The following F8 variants were observed in gnomAD, a reference collection of about 807,000 sequenced individuals.
F8 encodes the protein antihemophilic factor.
F8 carries 12 observed loss-of-function variants against 140.6 expected under a neutral mutation model. The ratio of observed to expected loss-of-function variants is 0.09; its 90% CI spans 0.05 to 0.14. The LOEUF (loss-of-function observed/expected upper bound fraction) is 0.14. F8 is among the 10% of genes least tolerant of loss of function. The probability of loss-of-function intolerance (pLI) is 1.00; values close to 1 mark genes in which losing one functional copy is unlikely to be tolerated. For synonymous variants in F8, 585 were observed against 614.6 expected (o/e 0.95, Z 0.71); for missense variants, 1,354 against 1,720.7 (o/e 0.79, Z 3.77).
intron 7 of F8, among the ~76,000 whole-genome samples, chrX:154,967,502 A>G (rs2073431996): frequency 1.8e-5 from 2 of 111,995 alleles, no homozygotes; most frequent in South Asian, 7.3e-4. Flanking sequence ...GGAACAGGGA[A>G]GGTTTTAGGA....
intron 13 of F8, among the ~76,000 whole-genome samples, chrX:154,936,438 G>T (rs1557279253): frequency 8.9e-6 from 1 of 111,902 alleles, no homozygotes; most frequent in East Asian, 2.8e-4. Context: ...GATAGTGCAG[G>T]TGTATAAATT....
At chrX:154,860,923 C>A (rs1235217553) in intron 24 of F8, among the ~76,000 whole-genome samples, 1 of 112,073 alleles carries the variant, frequency 8.9e-6, no homozygotes, top group African/African-American at 3.2e-5. Context: ...GTCTTGAACT[C>A]CTGACTTCAG....
intron 1 of F8, among the ~76,000 whole-genome samples, chrX:155,007,672 G>A (rs193067596): frequency 2.3e-3 from 257 of 112,548 alleles, no homozygotes; most frequent in Admixed American, 0.021. Flanking sequence ...ATAGGAGTGC[G>A]AATGCTACTG....
At chrX:154,843,179 T>G (rs1173710709) in intron 25 of F8, among the ~76,000 whole-genome samples, 2 of 112,217 alleles carry the variant, frequency 1.8e-5, no homozygotes, top group African/African-American at 6.5e-5. Flanking sequence ...CACATTTTCT[T>G]AATCCAGTCT....
intron 6 of F8, among the ~76,000 whole-genome samples, chrX:154,978,343 T>C (rs1557283196): frequency 9.0e-6 from 1 of 111,640 alleles, no homozygotes; most frequent in Non-Finnish European, 1.9e-5. Context: ...TTTTTTATTT[T>C]GTGGATACAT....
intron 10 of F8, among the ~76,000 whole-genome samples, chrX:154,959,085 T>C (rs1356683513): frequency 8.9e-6 from 1 of 111,970 alleles, no homozygotes; most frequent in Non-Finnish European, 1.9e-5. Flanking sequence ...TTAATGCTAT[T>C]CACTACAAGA....
chrX:154,907,335 G>C (rs1434237206), intron 14 of F8, among the ~76,000 whole-genome samples: 3 of 111,752 alleles, frequency 2.7e-5, no homozygotes, highest in African/African-American at 9.8e-5. Flanking sequence ...TTGTTGTATA[G>C]TATTATATGA....
intron 25 of F8, among the ~76,000 whole-genome samples, chrX:154,843,711 T>C (rs1557271491): frequency 8.9e-6 from 1 of 112,350 alleles, no homozygotes; most frequent in Non-Finnish European, 1.9e-5. Context: ...GATGAATAGA[T>C]TGCAAACATT....
chrX:154,847,505 ACTT>A (rs1373282279), intron 25 of F8, among the ~76,000 whole-genome samples: 3 of 110,937 alleles, frequency 2.7e-5, no homozygotes, highest in Non-Finnish European at 5.7e-5. Flanking sequence ...TTTTCTCTAA[ACTT>A]CTCTTCTCGC....
At chrX:154,870,062 C>T (rs2072760640) in intron 22 of F8, among the ~76,000 whole-genome samples, 1 of 111,824 alleles carries the variant, frequency 8.9e-6, no homozygotes, top group Non-Finnish European at 1.9e-5. Context: ...TAATAGCCTA[C>T]CAACCAAAAA....
At chrX:154,968,701 G>A (rs992025792) in intron 7 of F8, among the ~76,000 whole-genome samples, 18 of 111,163 alleles carry the variant, frequency 1.6e-4, no homozygotes, top group African/African-American at 5.2e-4. Flanking sequence ...CCACCAAATA[G>A]TCCTTTCAAT....
chrX:154,995,979 C>T (rs782110099), intron 3 of F8, among the ~76,000 whole-genome samples: 4 of 111,088 alleles, frequency 3.6e-5, no homozygotes, highest in African/African-American at 1.3e-4. Flanking sequence ...AAAGGTGTTA[C>T]CTTTTCTGAT....
At chrX:154,916,726 C>T (rs1203242404) in intron 14 of F8, among the ~76,000 whole-genome samples, 1 of 109,698 alleles carries the variant, frequency 9.1e-6, no homozygotes, top group African/African-American at 3.3e-5. Context: ...TAAATTTTAT[C>T]TTTCAAAAAG....
At position 155,022,595 on chromosome X, in the gene F8, A is replaced by T; in HGVS notation, c.-43T>A. 3.3e-6 allele frequency: 4 copies of T among 1,211,220 alleles called. No homozygotes were observed. Among genetic ancestry groups the T allele is most frequent in the Non-Finnish European group, 4.5e-6 (4 of 895,058 alleles). ...GTTCAACTGGAGAAGCAAAAGGTTA[A>T]TTCTTCTCTAAAATATCTTTAGCTC... is the stretch of plus-strand genomic sequence containing the variant. On this transcript the variant is annotated 5_prime_UTR_variant, in exon 1 of 26. Coordinates refer to ENST00000360256, the MANE Select transcript of F8 (RefSeq NM_000132.4).
At chrX:154,915,353 TTTC>T (rs1557277015) in intron 14 of F8, among the ~76,000 whole-genome samples, 1 of 112,261 alleles carries the variant, frequency 8.9e-6, no homozygotes, top group Non-Finnish European at 1.9e-5. Flanking sequence ...GCTTTTTCTA[TTTC>T]TGTGAAAAAT....
At chrX:154,858,999 C>G (rs1345516062) in intron 25 of F8, among the ~76,000 whole-genome samples, 2 of 112,115 alleles carry the variant, frequency 1.8e-5, no homozygotes, top group African/African-American at 6.5e-5. Context: ...AGATTGCTCT[C>G]CCTAATGTGG....
At chrX:154,842,651 T>A (rs2072530378) in intron 25 of F8, among the ~76,000 whole-genome samples, 1 of 112,279 alleles carries the variant, frequency 8.9e-6, no homozygotes, top group Non-Finnish European at 1.9e-5. Context: ...CTTATTTATA[T>A]CAACTTTAAT....
At chrX:154,943,269 C>T (rs1486492837) in intron 13 of F8, among the ~76,000 whole-genome samples, 5 of 111,663 alleles carry the variant, frequency 4.5e-5, no homozygotes, top group African/African-American at 1.6e-4. Flanking sequence ...CTAGAAAACC[C>T]CATTGTCTCA....
At chrX:154,978,502 A>G (rs1474311156) in intron 6 of F8, among the ~76,000 whole-genome samples, 1 of 112,116 alleles carries the variant, frequency 8.9e-6, no homozygotes, top group Non-Finnish European at 1.9e-5. Context: ...TTATTTTAGA[A>G]TGTACAATTA....
Sources: allele counts gnomAD v4.1 joint callset (sites outside exome capture counted in the v4.1 genomes callset), GRCh38; gene constraint gnomAD v4.1.1; transcripts MANE v1.5; gene names NCBI Gene and HGNC (gene_info 2026-07-23, HGNC 2026-07-21).